Variants in CWC22 observed in about 807,000 individuals in gnomAD.
CWC22 encodes CWC22 spliceosome associated protein.
Under a neutral mutation model 117.2 loss-of-function variants are expected in CWC22, and 53 were observed. That is an observed-to-expected ratio of 0.45 (90% CI 0.36 to 0.57). CWC22 has a LOEUF of 0.57. CWC22 is among the 20% of genes least tolerant of loss of function. CWC22 has a pLI of 0.00. For synonymous variants in CWC22, 360 were observed against 355.6 expected, an observed-to-expected ratio of 1.01 and a Z score of -0.14; for missense variants, 980 against 1,068.8, an observed-to-expected ratio of 0.92 and a Z score of 1.16.
chr2:179,994,612 T>C lies in CWC22; in HGVS notation c.-113-1158A>G, dbSNP rs149942041. On this transcript the variant is annotated intron_variant, in intron 1 of 19. Transcript: ENST00000410053. ...AAGTCAAGAAATGTTTCTATTACAATGATTGGCATGGTGTCAAGGTTAGTA... is the reference window on the plus strand; with the variant it reads ...AAGTCAAGAAATGTTTCTATTACAACGATTGGCATGGTGTCAAGGTTAGTA... Among the ~76,000 whole-genome samples the C allele has an allele frequency of 1.2e-3, 189 of 152,280 alleles. 1 individual carries two copies. The East Asian group carries it at 0.031, about 25-fold the overall frequency.
Position 179,973,195 on chromosome 2 carries a change from C to T in CWC22, c.802G>A (p.Val268Met), listed in dbSNP as rs1296918939. 2 of 1,595,438 alleles carry T rather than the reference C, an allele frequency of 1.3e-6. No homozygotes were observed. The highest frequency in any genetic ancestry group is 1.7e-6 in the Non-Finnish European group (2 of 1,169,154). Residue 268 changes from valine (V) to methionine (M), a missense_variant and splice_region_variant, in exon 8 of 20, where the codon GTG becomes ATG. This residue lies in a region of CWC22 where 559 missense variants were observed against 602.3 expected (regional missense o/e 0.93). Coordinates refer to ENST00000410053, the MANE Select transcript of CWC22 (RefSeq NM_020943.3). ...KFVAHLINQN[V>M]AHEVLCLEML... The stretch of plus-strand genomic sequence containing the variant: ...AAGTATTGAAGATAATTACTTACCA[C>T]ATTTTGGTTAATAAGATGCGCCACA...
intron 6 of CWC22, among the ~76,000 whole-genome samples, chr2:179,977,178 A>T (rs1027720278): frequency 1.8e-4 from 28 of 152,110 alleles, no homozygotes; most frequent in East Asian, 3.9e-4. Context: ...TATAAAAAAA[A>T]TTTTTTTTTA....
At chr2:179,978,677 C>G (rs1367685963) in intron 5 of CWC22, among the ~76,000 whole-genome samples, 1 of 151,794 alleles carries the variant, frequency 6.6e-6, no homozygotes, top group Non-Finnish European at 1.5e-5. Context: ...TTAATGGAAA[C>G]CTTTAAAATA....
chr2:179,955,054 C>T lies in CWC22; in HGVS notation c.1459-20G>A. 2.0e-6 allele frequency: 3 copies of T among 1,501,702 alleles called. No homozygotes were observed. Among genetic ancestry groups the T allele is most frequent in the South Asian group, 2.4e-5 (2 of 84,520 alleles). The allele number at this position is 1,501,702 out of a possible 1,614,324, so 93.0% of individuals were successfully genotyped here. On this transcript the variant is annotated intron_variant, in intron 14 of 19. Coordinates refer to ENST00000410053, the MANE Select transcript of CWC22 (RefSeq NM_020943.3). Reference sequence around the variant, plus strand: ...TTCTTTCTATTTGGGAAAAAAAATACATTAATGATTCAAAACACAAAGAGA... The same window carrying T: ...TTCTTTCTATTTGGGAAAAAAAATATATTAATGATTCAAAACACAAAGAGA...
At chr2:179,952,670 T>C in intron 16 of CWC22, 72 bp from the exon 17 acceptor site, 11 of 811,326 alleles carry the variant, frequency 1.4e-5, no homozygotes, top group Admixed American at 3.7e-5. Context: ...CCAATATTTG[T>C]AGGTTTAAGT....
intron 1 of CWC22, among the ~76,000 whole-genome samples, chr2:180,000,759 T>C (rs1392118467): frequency 6.6e-6 from 1 of 151,978 alleles, no homozygotes; most frequent in African/African-American, 2.4e-5. Flanking sequence ...TCTGCAACTC[T>C]GTGTGGAGAG....
At position 179,945,062 on chromosome 2, in the gene CWC22, G is replaced by C; in HGVS notation, c.*67C>G. On this transcript the variant is annotated 3_prime_UTR_variant, in exon 20 of 20. Coordinates refer to ENST00000410053, the MANE Select transcript of CWC22 (RefSeq NM_020943.3). ...TATACAAGAATTCTCTATAAAGTTC[G>C]TCAAAGTAAAAAATAATTTGTTTCA... 1.8e-6 allele frequency: 2 copies of C among 1,103,320 alleles called. No individual in the cohort carries two copies. Among genetic ancestry groups the C allele is most frequent in the Non-Finnish European group, 2.5e-6 (2 of 786,278 alleles). 68.3% of individuals were successfully genotyped at this position (1,103,320 alleles called of 1,614,324 possible).
chr2:180,006,602 G>A (rs1184761032), intron 1 of CWC22, among the ~76,000 whole-genome samples: 1 of 152,164 alleles, frequency 6.6e-6, no homozygotes, highest in African/African-American at 2.4e-5. Context: ...GCCGGCAAGA[G>A]GCATAAGAGT....
In CWC22 at chr2:179,954,350, C is replaced by A; in HGVS notation, c.1544G>T (p.Cys515Phe). 6.4e-7 allele frequency: 1 copy of A among 1,556,198 alleles called. No homozygotes were observed. Among genetic ancestry groups the A allele is most frequent in the Non-Finnish European group, 8.8e-7 (1 of 1,139,208 alleles). Reference protein sequence around the residue: ...KFFGLLAGRFCMLKKEYMESF... With the variant: ...KFFGLLAGRFFMLKKEYMESF... ...TTCCATGTACTCTTTCTTTAGCATG[C>A]AAAATCGCTAATAAATAAAAAATCA... The change falls in exon 16 of 20, where the codon TGC becomes TTC. Residue 515 changes from cysteine to phenylalanine, a missense_variant. By Grantham distance (205) the Cys-to-Phe change is radical. Transcript: ENST00000410053.
At chr2:179,946,270 C>T (rs1006712158) in intron 19 of CWC22, among the ~76,000 whole-genome samples, 106 of 151,672 alleles carry the variant, frequency 7.0e-4, no homozygotes, top group African/African-American at 2.0e-3. Flanking sequence ...GGTAACGTAG[C>T]GAAACCCCTT....
chr2:179,989,243 TAA>T (rs1687498938), intron 2 of CWC22, among the ~76,000 whole-genome samples: 1 of 2,274 alleles, frequency 4.4e-4, no homozygotes, highest in Non-Finnish European at 4.3e-3. Context: ...TAATAAGTTA[TAA>T]TAATAATTAT....
chr2:179,999,877 A>T (rs1687801996), intron 1 of CWC22, among the ~76,000 whole-genome samples: 1 of 152,244 alleles, frequency 6.6e-6, no homozygotes, highest in African/African-American at 2.4e-5. Flanking sequence ...ATTATACAAT[A>T]CAAAATAAAA....
intron 17 of CWC22, among the ~76,000 whole-genome samples, chr2:179,951,357 T>TGGAAGTCATCAACAAAAG (rs1686444367): frequency 6.6e-6 from 1 of 151,180 alleles, no homozygotes; most frequent in Non-Finnish European, 1.5e-5. Context: ...GGGGGAGAGG[T>TGGAAGTCATCAACAAAAG]GGAAGTCATC....
chr2:179,978,525 C>A (rs1485000896), intron 5 of CWC22, among the ~76,000 whole-genome samples: 1 of 151,958 alleles, frequency 6.6e-6, no homozygotes. Flanking sequence ...CTTAAGTATA[C>A]ACCATTTTTC....
Position 179,959,034 on chromosome 2 carries a change from A to G in CWC22, c.1446T>C (p.Pro482=), listed in dbSNP as rs1383648164. 2.6e-6 allele frequency: 4 copies of G among 1,563,298 alleles called. No homozygotes were observed. The East Asian group carries it at 9.3e-5, about 36-fold the overall frequency. Residue 482 remains proline (P), a synonymous_variant, in exon 14 of 20, where the codon CCT becomes CCC. Transcript: ENST00000410053. ...CAHKLLKMEF[P]ESQTKELCNM... ...AGTATTAACATACTGTTTGGCTTTC[A>G]GGAAACTCCATTTTCAGCAATTTGT...
chr2:179,982,069 ATGAG>A, intron 4 of CWC22, 72 bp from the exon 5 acceptor site: 1 of 789,924 alleles, frequency 1.3e-6, no homozygotes, highest in South Asian at 1.7e-5. Context: ...CTGCACACAA[ATGAG>A]TGAGACCATA....
chr2:179,986,902 G>T, intron 3 of CWC22, 97 bp from the exon 4 acceptor site: 1 of 584,122 alleles, frequency 1.7e-6, no homozygotes, highest in South Asian at 2.7e-5. Flanking sequence ...GCAACTCTAT[G>T]ACTGAACAAC....
At chr2:179,994,196 T>C (rs1033597361) in intron 1 of CWC22, among the ~76,000 whole-genome samples, 1 of 152,270 alleles carries the variant, frequency 6.6e-6, no homozygotes. Context: ...ATCTAAATGG[T>C]TTATAGTATA....
intron 2 of CWC22, among the ~76,000 whole-genome samples, chr2:179,991,136 C>T (rs3912257): frequency 0.071 from 10,882 of 152,218 alleles, 505 homozygotes; most frequent in East Asian, 0.26. Context: ...CATGTAGTAA[C>T]TCATAGTCTC....
Sources: allele counts gnomAD v4.1 joint callset (sites outside exome capture counted in the v4.1 genomes callset), GRCh38; gene constraint gnomAD v4.1.1; regional missense constraint gnomAD v4.1.1; transcripts MANE v1.5; gene names NCBI Gene and HGNC (gene_info 2026-07-23, HGNC 2026-07-21).